Variants in DNAH8 observed in about 807,000 individuals in gnomAD.
DNAH8 encodes the protein axonemal beta dynein heavy chain 8.
In DNAH8, 382 loss-of-function variants were observed where a neutral mutation model predicts 562.1. The ratio of observed to expected loss-of-function variants is 0.68; its 90% CI spans 0.63 to 0.74. The LOEUF (loss-of-function observed/expected upper bound fraction) is 0.74. DNAH8 is among the 30% of genes least tolerant of loss of function. The probability of loss-of-function intolerance (pLI) is 0.00; values close to 1 mark genes in which losing one functional copy is unlikely to be tolerated. For synonymous variants in DNAH8, 1,881 were observed against 1,919.4 expected, an observed-to-expected ratio of 0.98 and a Z score of 0.52; for missense variants, 5,203 against 5,620.4, an observed-to-expected ratio of 0.93 and a Z score of 2.37.
intron 53 of DNAH8, among the ~76,000 whole-genome samples, chr6:38,878,728 C>A (rs895665850): frequency 6.6e-6 from 1 of 152,018 alleles, no homozygotes; most frequent in African/African-American, 2.4e-5. Context: ...ATGAAATGGA[C>A]AAATTTCTTG....
intron 79 of DNAH8, among the ~76,000 whole-genome samples, chr6:38,944,256 A>G (rs368061320): frequency 6.6e-5 from 10 of 152,214 alleles, no homozygotes; most frequent in African/African-American, 1.7e-4. Context: ...GGCCGACAGT[A>G]AGAAGAAGGT....
At position 38,761,513 on chromosome 6, in the gene DNAH8, T is replaced by C. The variant is rs2448400; in HGVS notation, c.1516-189T>C. Reference sequence around the variant, plus strand: ...GTCTCATTCTGTTTCCCAGGCTGGCTTTGAACTTCTGGGCTCAAGTTACCC... The same window carrying C: ...GTCTCATTCTGTTTCCCAGGCTGGCCTTGAACTTCTGGGCTCAAGTTACCC... On this transcript the variant is annotated intron_variant, in intron 10 of 92. Transcript: ENST00000327475. Among the ~76,000 whole-genome samples, 38,090 of 151,432 alleles carry C rather than the reference T, an allele frequency of 0.25. 5,329 individuals carry two copies. The highest frequency in any genetic ancestry group is 0.46 in the East Asian group (2,348 of 5,144).
chr6:38,790,561 A>G (rs1769635654), intron 20 of DNAH8, among the ~76,000 whole-genome samples, 156 bp downstream of exon 20: 1 of 152,164 alleles, frequency 6.6e-6, no homozygotes, highest in Admixed American at 6.5e-5. Context: ...ACAGTGGCTC[A>G]CACCTGTAAT....
chr6:38,887,532 C>T (rs1282236564), intron 57 of DNAH8, among the ~76,000 whole-genome samples: 1 of 152,028 alleles, frequency 6.6e-6, no homozygotes, highest in African/African-American at 2.4e-5. Context: ...ATAGAGAGAC[C>T]CCATTTCTAC....
Position 38,737,166 on chromosome 6 carries a change from A to G in DNAH8, c.862A>G (p.Asn288Asp). ...IFLPAVLATN[N>D]WGALNQSKQG... ...TCTACCAGCTGTTCTTGCAACAAAC[A>G]ACTGGGGTGCTTTAAACCAGTCCAA... The change falls in exon 6 of 93, where the codon AAC (asparagine) becomes GAC (aspartate). Residue 288 changes from asparagine (N) to aspartate (D), a missense_variant. Asn to Asp is a conservative substitution (Grantham distance 23, BLOSUM62 1). This residue lies in a region of DNAH8 where 556 missense variants were observed against 496.9 expected (regional missense o/e 1.12). Coordinates refer to ENST00000327475, the MANE Select transcript of DNAH8 (RefSeq NM_001206927.2). 6.3e-7 allele frequency: 1 copy of G among 1,585,598 alleles called. No individual in the cohort carries two copies. Among genetic ancestry groups the G allele is most frequent in the Non-Finnish European group, 8.6e-7 (1 of 1,168,000 alleles).
intron 53 of DNAH8, among the ~76,000 whole-genome samples, chr6:38,877,086 C>T (rs1417592304): frequency 6.6e-6 from 1 of 152,160 alleles, no homozygotes; most frequent in South Asian, 2.1e-4. Context: ...TCCTCCACAG[C>T]GCTGCTTTCT....
intron 65 of DNAH8, among the ~76,000 whole-genome samples, chr6:38,910,865 T>G (rs935601335): frequency 6.6e-6 from 1 of 152,224 alleles, no homozygotes; most frequent in Non-Finnish European, 1.5e-5. Flanking sequence ...CGTGAAGAAC[T>G]CTTTTTTCAC....
Position 39,006,915 on chromosome 6 carries a change from AT to A in DNAH8, c.13215-1898del, listed in dbSNP as rs576741918. On this transcript the variant is annotated intron_variant, in intron 88 of 92. Transcript: ENST00000327475. ...CAGATTTATGTAGGAATTTCCTATT[AT>A]GCTTTCCACCTCAGGTATGAGGGCT... Among the ~76,000 whole-genome samples the A allele has an allele frequency of 2.0e-3, 304 of 152,260 alleles. 1 individual carries two copies. Among genetic ancestry groups the A allele is most frequent in the African/African-American group, 6.9e-3 (286 of 41,544 alleles).
intron 82 of DNAH8, among the ~76,000 whole-genome samples, chr6:38,970,881 C>A (rs549543269): frequency 6.6e-6 from 1 of 152,284 alleles, no homozygotes; most frequent in African/African-American, 2.4e-5. Context: ...TGGGAGGTCA[C>A]AAGCATGGTT....
intron 79 of DNAH8, among the ~76,000 whole-genome samples, chr6:38,944,986 C>CTAACCA (rs1314459291): frequency 1.3e-5 from 2 of 151,942 alleles, no homozygotes; most frequent in East Asian, 3.9e-4. Context: ...AACCCTAACC[C>CTAACCA]TAACCCTAAC....
intron 83 of DNAH8, among the ~76,000 whole-genome samples, chr6:38,972,313 TG>T (rs1161166279): frequency 6.6e-6 from 1 of 152,206 alleles, no homozygotes; most frequent in Admixed American, 6.5e-5. Context: ...GTACAAACTT[TG>T]GTGCAGCTTT....
intron 18 of DNAH8, 51 bp downstream of exon 18, chr6:38,787,003 A>T (rs781054894): frequency 8.2e-7 from 1 of 1,216,386 alleles, no homozygotes; most frequent in Admixed American, 2.7e-5. Context: ...TTTTGGTAAA[A>T]AAAATATGTA....
intron 88 of DNAH8, among the ~76,000 whole-genome samples, chr6:38,991,194 C>T (rs1402586242): frequency 6.6e-6 from 1 of 152,224 alleles, no homozygotes; most frequent in African/African-American, 2.4e-5. Flanking sequence ...CTTTTGGCCT[C>T]TTTACACCCA....
intron 62 of DNAH8, among the ~76,000 whole-genome samples, chr6:38,901,341 T>A (rs1780067798): frequency 6.6e-6 from 1 of 152,186 alleles, no homozygotes; most frequent in Non-Finnish European, 1.5e-5. Flanking sequence ...GTACTATAAC[T>A]GACCTAGAAT....
At chr6:38,716,369 CT>C (rs1057511960) in intron 1 of DNAH8, among the ~76,000 whole-genome samples, 1 of 152,128 alleles carries the variant, frequency 6.6e-6, no homozygotes, top group African/African-American at 2.4e-5. Flanking sequence ...GCCCAAAAGT[CT>C]CATCACTGAA....
At chr6:38,873,766 ACACC>A (rs1166751679) in intron 52 of DNAH8, among the ~76,000 whole-genome samples, 1 of 51,194 alleles carries the variant, frequency 2.0e-5, no homozygotes, top group African/African-American at 6.4e-5. Context: ...ACACACACAC[ACACC>A]CCTGCACTCC....
intron 82 of DNAH8, among the ~76,000 whole-genome samples, chr6:38,952,695 T>C (rs981255548): frequency 5.9e-5 from 9 of 152,200 alleles, no homozygotes; most frequent in African/African-American, 1.9e-4. Context: ...TCTTTTCTCA[T>C]CTTGACTTCA....
intron 1 of DNAH8, among the ~76,000 whole-genome samples, chr6:38,719,376 C>G (rs919891562): frequency 6.6e-6 from 1 of 152,024 alleles, no homozygotes; most frequent in African/African-American, 2.4e-5. Flanking sequence ...CCAACCCTAA[C>G]CCCCATCCTT....
In DNAH8 at chr6:38,842,066, A is replaced by G. The variant is rs574551892; in HGVS notation, c.4467-302A>G. Reference sequence around the variant, plus strand: ...AGTTTTGGTCACATTGTTTGCAATGATTGGTATAGTAAGTTTCTCATTAAA... The same window carrying G: ...AGTTTTGGTCACATTGTTTGCAATGGTTGGTATAGTAAGTTTCTCATTAAA... On this transcript the variant is annotated intron_variant, in intron 33 of 92. Coordinates refer to ENST00000327475, the MANE Select transcript of DNAH8 (RefSeq NM_001206927.2). 5.3e-5 allele frequency among the ~76,000 whole-genome samples: 8 copies of G among 152,326 alleles called. No homozygotes were observed. The East Asian group carries it at 1.5e-3, about 29-fold the overall frequency.
Sources: allele counts gnomAD v4.1 joint callset (sites outside exome capture counted in the v4.1 genomes callset), GRCh38; gene constraint gnomAD v4.1.1; regional missense constraint gnomAD v4.1.1; transcripts MANE v1.5; gene names NCBI Gene and HGNC (gene_info 2026-07-23, HGNC 2026-07-21).